Variants in ATP2B4 observed in about 807,000 individuals in gnomAD.
ATP2B4 encodes the protein plasma membrane calcium-transporting ATPase 4.
A neutral mutation model predicts 110.3 loss-of-function variants in ATP2B4; 39 were observed. That is an observed-to-expected ratio of 0.35 (90% CI 0.27 to 0.46). ATP2B4 has a LOEUF of 0.46. Among genes scored for constraint, ATP2B4 ranks in the 20% least tolerant of loss-of-function variants. The probability of loss-of-function intolerance (pLI) is 1.00; values close to 1 mark genes in which losing one functional copy is unlikely to be tolerated. For missense variants in ATP2B4, 1,135 were observed against 1,530.9 expected, an observed-to-expected ratio of 0.74 and a Z score of 4.32; for synonymous variants, 538 against 571.7, an observed-to-expected ratio of 0.94 and a Z score of 0.84.
At chr1:203,633,981 C>T (rs1043470455) in intron 1 of ATP2B4, among the ~76,000 whole-genome samples, 4 of 151,920 alleles carry the variant, frequency 2.6e-5, no homozygotes, top group Admixed American at 6.6e-5. Flanking sequence ...ACCTGGGAGG[C>T]GGAGGTTGCA....
chr1:203,690,141 A>G (rs971867241), intron 2 of ATP2B4, among the ~76,000 whole-genome samples: 16 of 152,198 alleles, frequency 1.1e-4, no homozygotes, highest in Admixed American at 1.0e-3. Context: ...TTGAGGATTT[A>G]GATGAACGTC....
In ATP2B4 at chr1:203,723,997, C is replaced by T. The variant is rs199614596; in HGVS notation, c.3132+9C>T. 1.8e-4 allele frequency: 293 copies of T among 1,599,868 alleles called. No individual in the cohort carries two copies. The highest frequency in any genetic ancestry group is 1.8e-3 in the East Asian group (80 of 44,178). On this transcript the variant is annotated intron_variant, in intron 19 of 20. Transcript: ENST00000357681. Reference sequence around the variant, plus strand: ...AACTTCTGTGGGGCCAGGTGAGTACCGGCACACCCTCCTGGTGCATTCTCA... The same window carrying T: ...AACTTCTGTGGGGCCAGGTGAGTACTGGCACACCCTCCTGGTGCATTCTCA...
Position 203,707,718 on chromosome 1 carries a change from A to G in ATP2B4, c.1315-144A>G, listed in dbSNP as rs1665890733. The G allele has an allele frequency of 2.6e-6, 3 of 1,159,554 alleles. No individual in the cohort carries two copies. In the East Asian group the frequency reaches 7.1e-5, roughly 27 times the overall value. 71.8% of individuals were successfully genotyped at this position (1,159,554 alleles called of 1,614,324 possible). ...AGTACTGAAATTACAGGCATGAATC[A>G]CTGCACCCAGTCAGTATCTTGGATT... is the stretch of plus-strand genomic sequence containing the variant. On this transcript the variant is annotated intron_variant, in intron 9 of 20. Transcript: ENST00000357681.
In ATP2B4 at chr1:203,739,740, G is replaced by A; in HGVS notation, c.3504G>A (p.Leu1168=). 1 of 1,614,180 alleles carries A rather than the reference G, an allele frequency of 6.2e-7. No homozygotes were observed. Among genetic ancestry groups the A allele is most frequent in the South Asian group, 1.1e-5 (1 of 91,076 alleles). The stretch of plus-strand genomic sequence containing the variant: ...CTAAGTTTGGGACTAGGGTGCTCCT[G>A]TTGGATGGTGAGGTCACTCCATATG... ...KASKFGTRVL[L]LDGEVTPYAN... Residue 1168 remains leucine (L), a synonymous_variant, in exon 21 of 21, where the codon CTG becomes CTA. Transcript: ENST00000357681.
intron 14 of ATP2B4, 119 bp from the exon 15 acceptor site, chr1:203,714,052 A>G (rs1558047679): frequency 1.0e-6 from 1 of 975,358 alleles, no homozygotes; most frequent in South Asian, 1.4e-5. Flanking sequence ...TGGTTCCTGT[A>G]GAACTTCTAG....
chr1:203,671,342 T>TA (rs940186629), intron 1 of ATP2B4, among the ~76,000 whole-genome samples: 21 of 152,052 alleles, frequency 1.4e-4, no homozygotes, highest in Admixed American at 9.8e-4. Context: ...TTTGTTTAGA[T>TA]AAAAAAAATA....
chr1:203,718,652 A>T (rs1666229451), intron 15 of ATP2B4, among the ~76,000 whole-genome samples: 1 of 152,164 alleles, frequency 6.6e-6, no homozygotes, highest in Non-Finnish European at 1.5e-5. Flanking sequence ...TAAGCTGAAA[A>T]TTTTGATTCC....
intron 10 of ATP2B4, 100 bp downstream of exon 10, chr1:203,708,204 G>A: frequency 6.6e-7 from 1 of 1,503,792 alleles, no homozygotes; most frequent in Non-Finnish European, 9.1e-7. Context: ...TGCCTAAATT[G>A]CCATCCCACA....
At chr1:203,641,748 G>A (rs892111092) in intron 1 of ATP2B4, among the ~76,000 whole-genome samples, 7 of 152,102 alleles carry the variant, frequency 4.6e-5, no homozygotes, top group African/African-American at 1.7e-4. Context: ...TAGGGTTGGG[G>A]CTGATATGTG....
chr1:203,739,995 C>T lies in ATP2B4; in HGVS notation c.*141C>T, dbSNP rs758735071. 3.5e-5 allele frequency: 32 copies of T among 924,620 alleles called. No homozygotes were observed. The highest frequency in any genetic ancestry group is 4.4e-5 in the Non-Finnish European group (28 of 631,544). 57.3% of individuals were successfully genotyped at this position (924,620 alleles called of 1,614,324 possible). On this transcript the variant is annotated 3_prime_UTR_variant, in exon 21 of 21. Coordinates refer to ENST00000357681, the MANE Select transcript of ATP2B4 (RefSeq NM_001684.5). ...GTGTGTGAAGTGAACCTCTACCTGA[C>T]CATGAAGAGGCAAGAGCACAGACTT...
chr1:203,707,790 A>G, intron 9 of ATP2B4, 72 bp from the exon 10 acceptor site: 1 of 1,573,966 alleles, frequency 6.4e-7, no homozygotes, highest in Middle Eastern at 2.2e-4. Flanking sequence ...TTGGCTAGGA[A>G]ATGGCCTTTG....
Position 203,707,041 on chromosome 1 carries a change from C to G in ATP2B4, c.1132C>G (p.Leu378Val). The change falls in exon 9 of 21, where the codon CTG becomes GTG. Residue 378 changes from leucine to valine, a missense_variant. Coordinates refer to ENST00000357681, the MANE Select transcript of ATP2B4 (RefSeq NM_001684.5). ...CATGTCTGCTCTCACGGTTTTCATC[C>G]TGATTCTATACTTTGTGATTGACAA... ...LLMSALTVFILILYFVIDNFV... is the reference protein window; with the variant it reads ...LLMSALTVFIVILYFVIDNFV... 6.2e-7 allele frequency: 1 copy of G among 1,613,988 alleles called. No homozygotes were observed. The highest frequency in any genetic ancestry group is 8.5e-7 in the Non-Finnish European group (1 of 1,179,948).
intron 17 of ATP2B4, among the ~76,000 whole-genome samples, chr1:203,721,722 G>A (rs1250310685): frequency 6.7e-6 from 1 of 148,414 alleles, no homozygotes; most frequent in Non-Finnish European, 1.5e-5. Flanking sequence ...GAGTGCAGTG[G>A]CGCTAACTCG....
chr1:203,684,702 G>A (rs112897139), intron 2 of ATP2B4, among the ~76,000 whole-genome samples: 3 of 151,912 alleles, frequency 2.0e-5, no homozygotes, highest in African/African-American at 7.3e-5. Context: ...AAAGGAAATG[G>A]GATGCTAAAT....
At chr1:203,680,468 G>T (rs974838451) in intron 1 of ATP2B4, among the ~76,000 whole-genome samples, 1 of 152,096 alleles carries the variant, frequency 6.6e-6, no homozygotes, top group East Asian at 1.9e-4. Flanking sequence ...AATTAGCCGG[G>T]TGTGGTGGTG....
At chr1:203,657,119 CA>C in intron 1 of ATP2B4, 3 of 823,886 alleles carry the variant, frequency 3.6e-6, no homozygotes, top group Non-Finnish European at 6.3e-6. Flanking sequence ...ATAACACCCA[CA>C]GTTGTATACG....
chr1:203,701,546 A>G (rs529346541), intron 6 of ATP2B4, among the ~76,000 whole-genome samples: 15 of 152,192 alleles, frequency 9.9e-5, no homozygotes, highest in African/African-American at 3.6e-4. Flanking sequence ...ACTTGGCTGG[A>G]GAATCATCTT....
chr1:203,683,174 T>G lies in ATP2B4; in HGVS notation c.-32T>G. 6.2e-7 allele frequency: 1 copy of G among 1,600,954 alleles called. No individual in the cohort carries two copies. Among genetic ancestry groups the G allele is most frequent in the Non-Finnish European group, 8.5e-7 (1 of 1,172,382 alleles). The stretch of plus-strand genomic sequence containing the variant: ...AGTTGAAGGGAAACGCTACATCTTC[T>G]CTGGTTGAGGGGCTTGGTAACAGCA... On this transcript the variant is annotated 5_prime_UTR_variant, in exon 2 of 21. Transcript: ENST00000357681.
At chr1:203,699,922 TTGTA>T (rs1665641396) in intron 4 of ATP2B4, among the ~76,000 whole-genome samples, 1 of 152,238 alleles carries the variant, frequency 6.6e-6, no homozygotes, top group Non-Finnish European at 1.5e-5. Flanking sequence ...ATTGTCAGAC[TTGTA>T]CCCTGTGTGT....
Sources: allele counts gnomAD v4.1 joint callset (sites outside exome capture counted in the v4.1 genomes callset), GRCh38; gene constraint gnomAD v4.1.1; transcripts MANE v1.5; gene names NCBI Gene and HGNC (gene_info 2026-07-23, HGNC 2026-07-21).